The following LRRK1 variants were observed in gnomAD, a reference collection of about 807,000 sequenced individuals.
The protein encoded by LRRK1 is leucine rich repeat kinase 1.
Under a neutral mutation model 209.1 loss-of-function variants are expected in LRRK1, and 113 were observed. The observed-to-expected ratio is 0.54, with a 90% CI of 0.46 to 0.63. The LOEUF (loss-of-function observed/expected upper bound fraction) is 0.63. Among genes scored for constraint, LRRK1 ranks in the 30% least tolerant of loss-of-function variants. The pLI is 0.00. For synonymous variants in LRRK1, 1,144 were observed against 1,099.7 expected (o/e 1.04, Z -0.80); for missense variants, 2,284 against 2,632.2 (o/e 0.87, Z 2.89).
chr15:100,941,384 G>GCC (rs2042417396), intron 2 of LRRK1, among the ~76,000 whole-genome samples: 1 of 149,888 alleles, frequency 6.7e-6, no homozygotes, highest in African/African-American at 2.5e-5. Flanking sequence ...GTGTGTGTCT[G>GCC]TGTCTCTGTG....
chr15:100,965,960 T>TAAGTAGTACTTATTTGGGACATTAATAA (rs2030426821), intron 2 of LRRK1, among the ~76,000 whole-genome samples: 1 of 152,234 alleles, frequency 6.6e-6, no homozygotes, highest in South Asian at 2.1e-4. Context: ...GGGACATTAA[T>TAAGTAGTACTTATTTGGGACATTAATAA]GTGTTATTGA....
chr15:100,982,655 G>A (rs985993217), intron 3 of LRRK1, among the ~76,000 whole-genome samples: 13 of 152,198 alleles, frequency 8.5e-5, no homozygotes, highest in African/African-American at 2.7e-4. Context: ...TTTGTCCCAG[G>A]ATTCAGATCT....
rs140619346 is a variant in LRRK1 at position 101,056,286 on chromosome 15, G to T, written c.4333-570G>T. Among the ~76,000 whole-genome samples, 361 of 152,290 alleles carry T rather than the reference G, an allele frequency of 2.4e-3. 2 individuals carry two copies. Among genetic ancestry groups the T allele is most frequent in the African/African-American group, 8.2e-3 (341 of 41,572 alleles). ...TGAGTTGCAATACATAACACTTTTA[G>T]TACCAAGCACATTAAGCTGAGGGTG... On this transcript the variant is annotated intron_variant, in intron 27 of 33. Transcript: ENST00000388948.
intron 29 of LRRK1, among the ~76,000 whole-genome samples, chr15:101,060,093 C>G (rs577287156): frequency 6.6e-6 from 1 of 152,226 alleles, no homozygotes; most frequent in African/African-American, 2.4e-5. Flanking sequence ...AAACTCACTG[C>G]GGCCTGAAGA....
intron 2 of LRRK1, among the ~76,000 whole-genome samples, chr15:100,955,162 GT>G (rs1251485272): frequency 1.3e-5 from 2 of 152,024 alleles, no homozygotes; most frequent in African/African-American, 4.8e-5. Flanking sequence ...CCATTTATTT[GT>G]GTCTTTTTCA....
At chr15:100,930,683 C>T (rs1378343179) in intron 2 of LRRK1, among the ~76,000 whole-genome samples, 1 of 152,236 alleles carries the variant, frequency 6.6e-6, no homozygotes, top group Non-Finnish European at 1.5e-5. Context: ...CAGCCATCTG[C>T]CCTGGCCCCC....
At chr15:100,941,382 C>CTGTG (rs2042417260) in intron 2 of LRRK1, among the ~76,000 whole-genome samples, 6 of 108,558 alleles carry the variant, frequency 5.5e-5, no homozygotes, top group Admixed American at 9.9e-5. Flanking sequence ...ATGTGTGTGT[C>CTGTG]TGTGTCTCTG....
chr15:100,959,744 C>T (rs28402948), intron 2 of LRRK1, among the ~76,000 whole-genome samples: 8,424 of 152,248 alleles, frequency 0.055, 363 homozygotes, highest in African/African-American at 0.12. Context: ...TTTTCTTTTA[C>T]AAGAAGATGA....
chr15:100,992,578 CTTGTT>C (rs376432360), intron 6 of LRRK1, among the ~76,000 whole-genome samples: 17 of 152,042 alleles, frequency 1.1e-4, no homozygotes, highest in Non-Finnish European at 1.5e-5. Flanking sequence ...TTTAAAATTA[CTTGTT>C]TTGTTTGTTA....
chr15:101,053,377 G>T lies in LRRK1; in HGVS notation c.4011G>T (p.Ala1337=). ...IHPLCFALEL[A]PLSSLNTVLS... ...CGCTCTGCTTCGCCCTGGAGCTCGC[G>T]CCGCTCAGCAGCCTCAACACCGTGC... Residue 1337 remains alanine (A), a synonymous_variant, in exon 26 of 34, where the codon GCG becomes GCT. Transcript: ENST00000388948. 1 of 1,600,476 alleles carries T rather than the reference G, an allele frequency of 6.2e-7. No homozygotes were observed.
At chr15:100,925,403 G>A (rs764844561) in intron 2 of LRRK1, among the ~76,000 whole-genome samples, 1 of 152,160 alleles carries the variant, frequency 6.6e-6, no homozygotes, top group Non-Finnish European at 1.5e-5. Context: ...CATTATCTGC[G>A]GGAGTGCTAT....
intron 2 of LRRK1, among the ~76,000 whole-genome samples, chr15:100,973,120 G>T (rs2031036877): frequency 2.0e-5 from 3 of 152,226 alleles, no homozygotes; most frequent in African/African-American, 7.2e-5. Flanking sequence ...TGGCCGCCCC[G>T]TGAGTGACCG....
chr15:100,985,117 G>T (rs2031800595), intron 4 of LRRK1, among the ~76,000 whole-genome samples: 1 of 148,362 alleles, frequency 6.7e-6, no homozygotes, highest in Non-Finnish European at 1.5e-5. Flanking sequence ...GCTCAGCGTT[G>T]GTTCCAAGCT....
Position 100,988,680 on chromosome 15 carries a change from T to A in LRRK1, c.480T>A (p.Ala160=), listed in dbSNP as rs1053332704. ...QRLLNWMLAL[A]CQRGHLGVVK... is the part of the protein sequence containing the mutation. The stretch of plus-strand genomic sequence containing the variant: ...TTCTGAACTGGATGCTGGCCTTGGC[T>A]TGCCAGCGAGGGCACCTGGGGGTTG... The change falls in exon 5 of 34, where the codon GCT becomes GCA. Residue 160 remains alanine (A), a synonymous_variant. Transcript: ENST00000388948. 6.8e-6 allele frequency: 11 copies of A among 1,614,104 alleles called. No individual in the cohort carries two copies. Among genetic ancestry groups the A allele is most frequent in the Non-Finnish European group, 8.5e-6 (10 of 1,180,046 alleles).
At position 101,052,693 on chromosome 15, in the gene LRRK1, G is replaced by A. The variant is rs575427747; in HGVS notation, c.3690-229G>A. On this transcript the variant is annotated intron_variant, in intron 24 of 33. Coordinates refer to ENST00000388948, the MANE Select transcript of LRRK1 (RefSeq NM_024652.6). ...GCCAGCCATCACCACCTCTGAGGCC[G>A]TTCCTGTCCTGAGAGCCCTCTGTAC... Among the ~76,000 whole-genome samples, 113 of 152,332 alleles carry A rather than the reference G, an allele frequency of 7.4e-4. 1 individual carries two copies. The highest frequency in any genetic ancestry group is 2.6e-3 in the African/African-American group (109 of 41,578).
intron 16 of LRRK1, among the ~76,000 whole-genome samples, chr15:101,025,194 C>T (rs2033969270): frequency 6.6e-6 from 1 of 152,180 alleles, no homozygotes; most frequent in African/African-American, 2.4e-5. Flanking sequence ...GGAACCCCCA[C>T]CCTTGGATCC....
chr15:100,945,011 T>C (rs73482896), intron 2 of LRRK1, among the ~76,000 whole-genome samples: 6,089 of 152,334 alleles, frequency 0.04, 392 homozygotes, highest in African/African-American at 0.14. Context: ...AAGGGTGTCA[T>C]TGGCCTCCTT....
chr15:101,058,188 G>A (rs1355925487), intron 29 of LRRK1, 47 bp downstream of exon 29: 4 of 1,591,970 alleles, frequency 2.5e-6, no homozygotes, highest in Non-Finnish European at 2.6e-6. Flanking sequence ...TGGGGTGGGA[G>A]GCCGCCGTGG....
chr15:100,927,471 G>C (rs2042136127), intron 2 of LRRK1, among the ~76,000 whole-genome samples: 1 of 152,094 alleles, frequency 6.6e-6, no homozygotes, highest in African/African-American at 2.4e-5. Context: ...TATAACCCAA[G>C]GGACACACAC....
Sources: allele counts gnomAD v4.1 joint callset (sites outside exome capture counted in the v4.1 genomes callset), GRCh38; gene constraint gnomAD v4.1.1; transcripts MANE v1.5; gene names NCBI Gene and HGNC (gene_info 2026-07-23, HGNC 2026-07-21).